The following CD8B variants were observed in gnomAD, a reference collection of about 807,000 sequenced individuals.
CD8B encodes the protein CD8 subunit beta.
In CD8B, 6 loss-of-function variants were observed where a neutral mutation model predicts 24.2. The observed-to-expected ratio is 0.25, with a 90% CI of 0.14 to 0.49. The LOEUF (loss-of-function observed/expected upper bound fraction) is 0.49, where lower values mean the gene tolerates loss of function less well. Ranked by LOEUF, CD8B falls within the 20% of genes least tolerant of loss-of-function variation. CD8B has a pLI of 0.98. For missense variants in CD8B, 196 were observed against 271.3 expected, an observed-to-expected ratio of 0.72 and a Z score of 1.95; for synonymous variants, 84 against 108.3, an observed-to-expected ratio of 0.78 and a Z score of 1.39.
intron 5 of CD8B, among the ~76,000 whole-genome samples, chr2:86,831,930 T>C (rs1167671678): frequency 6.6e-6 from 1 of 152,232 alleles, no homozygotes; most frequent in Non-Finnish European, 1.5e-5. Context: ...GTCAGTAACT[T>C]CATTGTGCCT....
chr2:86,858,367 C>T lies in CD8B; in HGVS notation c.93G>A (p.Val31=), dbSNP rs781065396. Residue 31 remains valine (V), a synonymous_variant, in exon 2 of 6, where the codon GTG becomes GTA. Transcript: ENST00000390655. ...ACAGCATCACCATCTTGTTGGTTTG[C>T]ACCTTTATGTATGCAGGGGTCTGCT... is the stretch of plus-strand genomic sequence containing the variant. ...VLQQTPAYIK[V]QTNKMVMLSC... 1.2e-6 allele frequency: 2 copies of T among 1,612,664 alleles called. No individual in the cohort carries two copies. The highest frequency in any genetic ancestry group is 2.2e-5 in the South Asian group (2 of 90,788).
chr2:86,836,891 C>T (rs935328867), downstream of CD8B, among the ~76,000 whole-genome samples: 3 of 152,150 alleles, frequency 2.0e-5, no homozygotes, highest in African/African-American at 7.2e-5. Context: ...TGCTGTGGCT[C>T]ATTCCTGTAA....
intron 1 of CD8B, among the ~76,000 whole-genome samples, chr2:86,860,702 G>A (rs1266024530): frequency 2.6e-5 from 4 of 152,200 alleles, no homozygotes; most frequent in Non-Finnish European, 5.9e-5. Context: ...TGGTGGTTAT[G>A]TGCTCACGAG....
At chr2:86,853,717 A>T (rs1481123421) in intron 2 of CD8B, among the ~76,000 whole-genome samples, 1 of 151,788 alleles carries the variant, frequency 6.6e-6, no homozygotes, top group South Asian at 2.1e-4. Context: ...TTATTTATTT[A>T]TTTTTTGAGA....
chr2:86,815,795 A>AT (rs911510741), intron 5 of CD8B: 170 of 819,958 alleles, frequency 2.1e-4, no homozygotes, highest in Admixed American at 1.9e-3. Context: ...GTAATGACTG[A>AT]TTTTTTTCTG....
In CD8B at chr2:86,852,980, A is replaced by T. The variant is rs1297297197; in HGVS notation, c.493+17T>A. The T allele has an allele frequency of 4.7e-6, 7 of 1,500,974 alleles. No individual in the cohort carries two copies. Among genetic ancestry groups the T allele is most frequent in the East Asian group, 2.5e-5 (1 of 40,400 alleles). The allele number at this position is 1,500,974 out of a possible 1,614,324, so 93.0% of individuals were successfully genotyped here. On this transcript the variant is annotated intron_variant, in intron 3 of 5. Transcript: ENST00000390655. ...GTCTGCCTTGTTTCTGAGGGTGCAG[A>T]GGGATAGGGAACTCACCCTTCTGGG... is the stretch of plus-strand genomic sequence containing the variant.
chr2:86,861,805 C>A lies in CD8B; in HGVS notation c.43+18G>T, dbSNP rs1009398775. 13 of 1,271,218 alleles carry A rather than the reference C, an allele frequency of 1.0e-5. No individual in the cohort carries two copies. The East Asian group carries it at 4.1e-4, about 40-fold the overall frequency. 78.7% of individuals were successfully genotyped at this position (1,271,218 alleles called of 1,614,324 possible). A position where few individuals can be genotyped will look rare whatever the true frequency, so the allele number is the denominator to read the frequency against. On this transcript the variant is annotated intron_variant, in intron 1 of 5. Coordinates refer to ENST00000390655, the MANE Select transcript of CD8B (RefSeq NM_004931.5). The stretch of plus-strand genomic sequence containing the variant: ...CGGGAGCGCAGACCCTTGGGTAGCC[C>A]GCGCGCCGCCGCCTTACCTGTCAGC...
intron 5 of CD8B, among the ~76,000 whole-genome samples, chr2:86,817,628 C>T (rs1013185344): frequency 2.6e-5 from 4 of 151,828 alleles, no homozygotes; most frequent in Non-Finnish European, 4.4e-5. Flanking sequence ...AAGAGAATCA[C>T]AAGTATAAAA....
At chr2:86,859,799 G>A (rs1676474867) in intron 1 of CD8B, among the ~76,000 whole-genome samples, 1 of 151,698 alleles carries the variant, frequency 6.6e-6, no homozygotes, top group Admixed American at 6.6e-5. Flanking sequence ...GGGGCCAGAG[G>A]GCATGTGTGT....
At chr2:86,836,757 T>TAC (rs1348102165), downstream of CD8B, among the ~76,000 whole-genome samples, 4 of 151,876 alleles carry the variant, frequency 2.6e-5, no homozygotes, top group African/African-American at 7.3e-5. Context: ...CAGAGCACTG[T>TAC]ACACACACAC....
At chr2:86,819,228 C>T (rs753083524) in intron 5 of CD8B, among the ~76,000 whole-genome samples, 1 of 152,190 alleles carries the variant, frequency 6.6e-6, no homozygotes, top group Non-Finnish European at 1.5e-5. Context: ...ATAGGTGCTG[C>T]AGCACAGCAG....
At chr2:86,827,856 A>T (rs1242795716) in intron 5 of CD8B, among the ~76,000 whole-genome samples, 2 of 152,152 alleles carry the variant, frequency 1.3e-5, no homozygotes, top group Non-Finnish European at 2.9e-5. Flanking sequence ...CTCATAGCTT[A>T]TATGCAGTGA....
chr2:86,835,334 A>G (rs1235481464), downstream of CD8B, among the ~76,000 whole-genome samples: 5 of 152,170 alleles, frequency 3.3e-5, no homozygotes, highest in Admixed American at 2.0e-4. Context: ...CCTGTTTCCA[A>G]ACCAGAAGCA....
At chr2:86,860,410 T>C (rs1676515465) in intron 1 of CD8B, among the ~76,000 whole-genome samples, 1 of 152,226 alleles carries the variant, frequency 6.6e-6, no homozygotes, top group Non-Finnish European at 1.5e-5. Flanking sequence ...GGTTTTTCCT[T>C]GCTTTGGGTC....
intron 5 of CD8B, among the ~76,000 whole-genome samples, chr2:86,816,693 A>G (rs1478060591): frequency 6.6e-6 from 1 of 152,244 alleles, no homozygotes; most frequent in African/African-American, 2.4e-5. Flanking sequence ...CTTGAACTCT[A>G]TCTCAAACCA....
intron 5 of CD8B, among the ~76,000 whole-genome samples, chr2:86,831,938 C>T (rs897290283): frequency 1.3e-5 from 2 of 152,188 alleles, no homozygotes; most frequent in Non-Finnish European, 2.9e-5. Context: ...CTTCATTGTG[C>T]CTGTGCTTAC....
In CD8B at chr2:86,861,188, A is replaced by G. The variant is rs1452712085; in HGVS notation, c.43+635T>C. ...TTCCGGGTGTGTGGAGGCTTCTTCC[A>G]AAAGGCAGTCTGGCTGGGCTTATTC... is the stretch of plus-strand genomic sequence containing the variant. On this transcript the variant is annotated intron_variant, in intron 1 of 5. Coordinates refer to ENST00000390655, the MANE Select transcript of CD8B (RefSeq NM_004931.5). Among the ~76,000 whole-genome samples, 4 of 152,190 alleles carry G rather than the reference A, an allele frequency of 2.6e-5. No individual in the cohort carries two copies. In the East Asian group the frequency reaches 7.8e-4, roughly 30 times the overall value.
Position 86,858,411 on chromosome 2 carries a change from G to C in CD8B, c.49C>G (p.His17Asp). Reference protein sequence around the residue: ...LLLAAQLTVLHGNSVLQQTPA... With the variant: ...LLLAAQLTVLDGNSVLQQTPA... ...GTCTGCTGGAGGACTGAGTTGCCAT[G>C]GAGAACTAGGAAAAGCCAAGAACAG... Residue 17 changes from histidine (H) to aspartate (D), a missense_variant, in exon 2 of 6, where the codon CAT (histidine) becomes GAT (aspartate). His to Asp is a moderately conservative substitution (Grantham distance 81). Coordinates refer to ENST00000390655, the MANE Select transcript of CD8B (RefSeq NM_004931.5). 3.2e-6 allele frequency: 5 copies of C among 1,583,080 alleles called. No homozygotes were observed. Among genetic ancestry groups the C allele is most frequent in the Non-Finnish European group, 4.3e-6 (5 of 1,161,640 alleles).
rs986530480 is a variant in CD8B at position 86,841,779 on chromosome 2, G to A, written c.*528C>T. ...TTCCCGGCCCCAAAGGAAGCCCTCA[G>A]AGACTGATATGCCTTCTGGGAACTG... On this transcript the variant is annotated 3_prime_UTR_variant, in exon 6 of 6. Coordinates refer to ENST00000390655, the MANE Select transcript of CD8B (RefSeq NM_004931.5). The A allele has an allele frequency of 1.0e-6, 1 of 985,672 alleles. No homozygotes were observed. The highest frequency in any genetic ancestry group is 1.2e-6 in the Non-Finnish European group (1 of 830,132). 61.1% of individuals were successfully genotyped at this position (985,672 alleles called of 1,614,324 possible). A position where few individuals can be genotyped will look rare whatever the true frequency, so the allele number is the denominator to read the frequency against.
Sources: allele counts gnomAD v4.1 joint callset (sites outside exome capture counted in the v4.1 genomes callset), GRCh38; gene constraint gnomAD v4.1.1; transcripts MANE v1.5; gene names NCBI Gene and HGNC (gene_info 2026-07-23, HGNC 2026-07-21).